The following RPS6KC1 variants were observed in gnomAD, a reference collection of about 807,000 sequenced individuals.
RPS6KC1 encodes ribosomal protein S6 kinase C1.
Under a neutral mutation model 103.8 loss-of-function variants are expected in RPS6KC1, and 54 were observed. The ratio of observed to expected loss-of-function variants is 0.52; its 90% confidence interval spans 0.42 to 0.65. RPS6KC1 has a LOEUF of 0.65. RPS6KC1 is among the 30% of genes least tolerant of loss of function. The pLI is 0.00. For synonymous variants in RPS6KC1, 439 were observed against 438.7 expected, an observed-to-expected ratio of 1.00 and a Z score of -0.01; for missense variants, 1,151 against 1,253.8, an observed-to-expected ratio of 0.92 and a Z score of 1.24.
At chr1:213,382,930 G>A in the RPS6KC1 span, among the ~76,000 whole-genome samples, 6 of 152,204 alleles carry the variant, frequency 3.9e-5, no homozygotes, top group Non-Finnish European at 8.8e-5. Context: ...GGCAGGACTC[G>A]GCACTCTTAA....
chr1:213,479,330 C>T, the RPS6KC1 span, among the ~76,000 whole-genome samples: 1,619 of 152,094 alleles, frequency 0.011, 26 homozygotes, highest in African/African-American at 0.036. Context: ...GTGATTGTGT[C>T]AATTTACACA....
the RPS6KC1 span, among the ~76,000 whole-genome samples, chr1:213,550,982 G>T: frequency 0.56 from 85,356 of 152,068 alleles, 25,010 homozygotes; most frequent in Non-Finnish European, 0.64. Flanking sequence ...CAGGCCTCAA[G>T]GAATTTGAAC....
At chr1:213,589,101 G>A in the RPS6KC1 span, among the ~76,000 whole-genome samples, 466 of 152,120 alleles carry the variant, frequency 3.1e-3, 1 homozygote, top group African/African-American at 0.011. Context: ...GTCACCTGAG[G>A]GCTCTGAGGA....
At position 213,241,444 on chromosome 1, in the gene RPS6KC1, T is replaced by C. The variant is rs2094350182; in HGVS notation, c.1968T>C (p.Ala656=). The C allele has an allele frequency of 2.5e-6, 4 of 1,613,848 alleles. No individual in the cohort carries two copies. The highest frequency in any genetic ancestry group is 1.6e-4 in the Middle Eastern group (1 of 6,080). ...NTSESKVEFK[A]QDTISRGSDD... ...GTGAAAGCAAGGTAGAGTTTAAAGCTCAGGACACCATTAGCAGGGGCTCAG... is the reference window on the plus strand; with the variant it reads ...GTGAAAGCAAGGTAGAGTTTAAAGCCCAGGACACCATTAGCAGGGGCTCAG... The change falls in exon 11 of 15, where the codon GCT becomes GCC. Residue 656 remains alanine, a synonymous_variant. Transcript: ENST00000366960.
chr1:213,522,938 C>A, the RPS6KC1 span, among the ~76,000 whole-genome samples: 1 of 152,176 alleles, frequency 6.6e-6, no homozygotes, highest in African/African-American at 2.4e-5. Context: ...AAGAGTTATT[C>A]TTTTCATTCA....
At chr1:213,650,428 G>T in the RPS6KC1 span, among the ~76,000 whole-genome samples, 1 of 152,124 alleles carries the variant, frequency 6.6e-6, no homozygotes, top group Non-Finnish European at 1.5e-5. Flanking sequence ...GTGATCCCCT[G>T]CAAAGCCTTT....
At chr1:213,459,689 G>A in the RPS6KC1 span, among the ~76,000 whole-genome samples, 65,994 of 151,868 alleles carry the variant, frequency 0.43, 15,159 homozygotes, top group East Asian at 0.57. Context: ...TTAGGGTGTC[G>A]TTTTGGATCC....
chr1:213,808,130 T>C, the RPS6KC1 span, among the ~76,000 whole-genome samples: 2 of 152,172 alleles, frequency 1.3e-5, no homozygotes, highest in African/African-American at 4.8e-5. Flanking sequence ...TGATCGTTCC[T>C]CTGGAAGTTT....
the RPS6KC1 span, among the ~76,000 whole-genome samples, chr1:213,463,653 G>GT: frequency 6.6e-6 from 1 of 152,100 alleles, no homozygotes; most frequent in Non-Finnish European, 1.5e-5. Context: ...TCTCTGCTAG[G>GT]TTTTTTGAGG....
chr1:213,397,025 C>T, the RPS6KC1 span, among the ~76,000 whole-genome samples: 1 of 152,152 alleles, frequency 6.6e-6, no homozygotes, highest in Non-Finnish European at 1.5e-5. Context: ...AACATAAGTC[C>T]TTTAAAGAAA....
chr1:213,550,225 A>G, the RPS6KC1 span, among the ~76,000 whole-genome samples: 2 of 152,328 alleles, frequency 1.3e-5, no homozygotes, highest in South Asian at 4.1e-4. Context: ...TACATGGGTA[A>G]CATTGCGGTG....
At chr1:213,291,254 C>T in the RPS6KC1 span, among the ~76,000 whole-genome samples, 1 of 152,176 alleles carries the variant, frequency 6.6e-6, no homozygotes, top group Admixed American at 6.5e-5. Flanking sequence ...GGGTAGATTC[C>T]TTCCAACTTC....
At chr1:213,726,176 C>T in the RPS6KC1 span, among the ~76,000 whole-genome samples, 1 of 152,162 alleles carries the variant, frequency 6.6e-6, no homozygotes, top group African/African-American at 2.4e-5. Context: ...GCTTTGACCT[C>T]CTGGGCTCAG....
chr1:213,692,523 G>A, the RPS6KC1 span, among the ~76,000 whole-genome samples: 1 of 152,328 alleles, frequency 6.6e-6, no homozygotes, highest in South Asian at 2.1e-4. Flanking sequence ...ATGTTGGAAT[G>A]CTTCCAGGGT....
At chr1:213,314,370 C>A in the RPS6KC1 span, among the ~76,000 whole-genome samples, 5 of 152,212 alleles carry the variant, frequency 3.3e-5, no homozygotes, top group Non-Finnish European at 7.3e-5. Flanking sequence ...AATCATACCC[C>A]ATCCACCCTA....
chr1:213,203,991 G>A (rs535222937), intron 8 of RPS6KC1, among the ~76,000 whole-genome samples: 1 of 152,222 alleles, frequency 6.6e-6, no homozygotes, highest in South Asian at 2.1e-4. Context: ...CTATTCTTCC[G>A]CCATTTTCCA....
At position 213,180,486 on chromosome 1, in the gene RPS6KC1, T is replaced by A. The variant is rs74405709; in HGVS notation, c.1044+3994T>A. On this transcript the variant is annotated intron_variant, in intron 8 of 14. Coordinates refer to ENST00000366960, the MANE Select transcript of RPS6KC1 (RefSeq NM_012424.6). ...CAAAGGTGTGCTAGATTCCTTTAGA[T>A]CTTAAGAGTTTCTTGTCATTTGAGA... Among the ~76,000 whole-genome samples, 6 of 152,354 alleles carry A rather than the reference T, an allele frequency of 3.9e-5. No individual in the cohort carries two copies. The East Asian group carries it at 1.2e-3, about 29-fold the overall frequency.
At chr1:213,363,676 TTC>T in the RPS6KC1 span, among the ~76,000 whole-genome samples, 3 of 104,920 alleles carry the variant, frequency 2.9e-5, no homozygotes, top group East Asian at 6.3e-4. Context: ...CTTTCTTTCT[TTC>T]TTTCTTTCTT....
At chr1:213,100,595 G>A (rs1011550953) in intron 3 of RPS6KC1, among the ~76,000 whole-genome samples, 1 of 151,886 alleles carries the variant, frequency 6.6e-6, no homozygotes, top group Non-Finnish European at 1.5e-5. Flanking sequence ...TTCCATCCCC[G>A]CTTTTGGAGT....
Sources: allele counts gnomAD v4.1 joint callset (sites outside exome capture counted in the v4.1 genomes callset), GRCh38; gene constraint gnomAD v4.1.1; transcripts MANE v1.5; gene names NCBI Gene and HGNC (gene_info 2026-07-23, HGNC 2026-07-21).